Variants in DDX42 observed in about 807,000 individuals in gnomAD.
The protein encoded by DDX42 is ATP-dependent RNA helicase DDX42.
In DDX42, 22 loss-of-function variants were observed where a neutral mutation model predicts 101.5. That is an observed-to-expected ratio of 0.22 (90% CI 0.15 to 0.31). The LOEUF is 0.31. Ranked by LOEUF, DDX42 falls within the 10% of genes least tolerant of loss-of-function variation. DDX42 has a pLI of 1.00. For missense variants in DDX42, 849 were observed against 1,199.9 expected (o/e 0.71, Z 4.32); for synonymous variants, 402 against 401.2 (o/e 1.00, Z -0.02).
chr17:63,805,231 G>C, intron 7 of DDX42, 56 bp downstream of exon 7: 1 of 1,574,354 alleles, frequency 6.4e-7, no homozygotes, highest in African/African-American at 1.4e-5. Flanking sequence ...TCCAGATTTA[G>C]TATTATTGGT....
rs192895741 is a variant in DDX42 at position 63,807,184 on chromosome 17, A to G, written c.846+530A>G. ...GGGACAGAGTCTCACTCTGTTGTCC[A>G]AGCTGGAGTGCAGTGGCGCGATCTT... On this transcript the variant is annotated intron_variant, in intron 8 of 17. Coordinates refer to ENST00000389924, the MANE Select transcript of DDX42 (RefSeq NM_203499.3). 5.3e-3 allele frequency among the ~76,000 whole-genome samples: 812 copies of G among 152,276 alleles called. 5 individuals carry two copies. The highest frequency in any genetic ancestry group is 0.018 in the African/African-American group (741 of 41,554).
intron 3 of DDX42, 142 bp downstream of exon 3, chr17:63,792,704 T>C: frequency 1.2e-6 from 1 of 832,498 alleles, no homozygotes; most frequent in Non-Finnish European, 1.8e-6. Flanking sequence ...TAGTCTATAG[T>C]TGCATATATC....
intron 12 of DDX42, among the ~76,000 whole-genome samples, chr17:63,810,775 T>A (rs1207857898): frequency 6.6e-6 from 1 of 152,182 alleles, no homozygotes; most frequent in African/African-American, 2.4e-5. Context: ...GATCAGAAAT[T>A]AAATAAACTG....
chr17:63,810,348 C>T, intron 11 of DDX42, 165 bp from the exon 12 acceptor site: 1 of 571,310 alleles, frequency 1.8e-6, no homozygotes, highest in Non-Finnish European at 2.9e-6. Flanking sequence ...GCTTCGGCCT[C>T]CGAAAGTGCT....
At chr17:63,807,259 G>T (rs2039854089) in intron 8 of DDX42, among the ~76,000 whole-genome samples, 1 of 152,172 alleles carries the variant, frequency 6.6e-6, no homozygotes, top group African/African-American at 2.4e-5. Flanking sequence ...TCCTGCCTCG[G>T]CCTCCCAAGT....
chr17:63,773,989 A>G (rs2039377600), upstream of DDX42: 2 of 201,304 alleles, frequency 9.9e-6, no homozygotes, highest in Admixed American at 6.0e-5. Flanking sequence ...CTTTTTCTTC[A>G]TTCGCAGACC....
At chr17:63,788,904 T>C (rs2039584518) in intron 2 of DDX42, among the ~76,000 whole-genome samples, 1 of 151,926 alleles carries the variant, frequency 6.6e-6, no homozygotes, top group African/African-American at 2.4e-5. Flanking sequence ...TTGTTTTTGT[T>C]GTTGTTTTGA....
intron 5 of DDX42, 61 bp from the exon 6 acceptor site, chr17:63,800,407 C>T (rs941118712): frequency 6.5e-7 from 1 of 1,547,016 alleles, no homozygotes; most frequent in Non-Finnish European, 8.8e-7. Context: ...GCGCTAATTA[C>T]AGGAGCAGAA....
chr17:63,792,220 A>C (rs1189281769), intron 2 of DDX42, among the ~76,000 whole-genome samples, 192 bp from the exon 3 acceptor site: 1 of 152,094 alleles, frequency 6.6e-6, no homozygotes, highest in East Asian at 1.9e-4. Flanking sequence ...ACTTTTTTGT[A>C]ATATTGAAAT....
chr17:63,775,404 G>A (rs2039408043), intron 1 of DDX42, among the ~76,000 whole-genome samples: 1 of 152,160 alleles, frequency 6.6e-6, no homozygotes, highest in African/African-American at 2.4e-5. Flanking sequence ...AGCGGGAGGA[G>A]AGGCAAACAG....
intron 2 of DDX42, among the ~76,000 whole-genome samples, chr17:63,789,543 A>G (rs2144541663): frequency 7.3e-6 from 1 of 137,084 alleles, no homozygotes; most frequent in African/African-American, 3.0e-5. Flanking sequence ...AGCTTCTAAA[A>G]GACTTTTTTG....
chr17:63,786,738 C>T (rs1340379056), intron 1 of DDX42, among the ~76,000 whole-genome samples: 1 of 152,250 alleles, frequency 6.6e-6, no homozygotes, highest in Non-Finnish European at 1.5e-5. Context: ...AGTGCAGTGG[C>T]ACGATCTCAG....
intron 6 of DDX42, among the ~76,000 whole-genome samples, chr17:63,803,979 TAAAAC>T (rs2039806721): frequency 6.6e-6 from 1 of 152,132 alleles, no homozygotes; most frequent in Non-Finnish European, 1.5e-5. Flanking sequence ...TAGGCTTAAA[TAAAAC>T]CAACCTATTG....
In DDX42 at chr17:63,814,390, A is replaced by G. The variant is rs148883540; in HGVS notation, c.1902+936A>G. ...ACACAACTGGTACAACCCAGCTGCA[A>G]TGTGGCAGTGCCCAAGTTTCTGGTC... On this transcript the variant is annotated intron_variant, in intron 15 of 17. Coordinates refer to ENST00000389924, the MANE Select transcript of DDX42 (RefSeq NM_203499.3). Among the ~76,000 whole-genome samples, 874 of 152,362 alleles carry G rather than the reference A, an allele frequency of 5.7e-3. 5 individuals are homozygous for G. The highest frequency in any genetic ancestry group is 0.018 in the African/African-American group (747 of 41,594).
At chr17:63,784,030 C>T (rs1367465068) in intron 1 of DDX42, among the ~76,000 whole-genome samples, 1 of 152,058 alleles carries the variant, frequency 6.6e-6, no homozygotes, top group African/African-American at 2.4e-5. Flanking sequence ...TACCACTGCA[C>T]TCCAGCCTGG....
At chr17:63,774,602 C>T (rs2039393800) in intron 1 of DDX42, 1 of 155,368 alleles carries the variant, frequency 6.4e-6, no homozygotes, top group African/African-American at 2.4e-5. Flanking sequence ...GCTTCCCTCA[C>T]AAGTCTTACC....
In DDX42 at chr17:63,815,557, A is replaced by T; in HGVS notation, c.1903-6A>T. 2.5e-6 allele frequency: 4 copies of T among 1,610,082 alleles called. No individual in the cohort carries two copies. Among genetic ancestry groups the T allele is most frequent in the Non-Finnish European group, 3.4e-6 (4 of 1,176,728 alleles). ...TTGACTTAACCTTGAATTTTGTTCAATGCAGAATGCCTGGTTTCGGAAATC... is the reference window on the plus strand; with the variant it reads ...TTGACTTAACCTTGAATTTTGTTCATTGCAGAATGCCTGGTTTCGGAAATC... On this transcript the variant is annotated splice_polypyrimidine_tract_variant and splice_region_variant and intron_variant, in intron 15 of 17. Coordinates refer to ENST00000389924, the MANE Select transcript of DDX42 (RefSeq NM_203499.3).
intron 15 of DDX42, 103 bp downstream of exon 15, chr17:63,813,557 G>A (rs1160526898): frequency 1.9e-6 from 2 of 1,051,916 alleles, no homozygotes; most frequent in South Asian, 1.6e-5. Context: ...AAGTTGGGTG[G>A]CTAGGAGGAT....
At chr17:63,794,548 G>A (rs567324599) in intron 3 of DDX42, among the ~76,000 whole-genome samples, 32 of 151,866 alleles carry the variant, frequency 2.1e-4, no homozygotes, top group Non-Finnish European at 3.5e-4. Flanking sequence ...ACTATGTGCC[G>A]TAGCTCACAC....
Sources: gnomAD v4.1 joint callset for allele counts (sites outside exome capture counted in the v4.1 genomes callset) on GRCh38, gnomAD v4.1.1 for gene constraint, MANE v1.5 for transcripts, NCBI Gene and HGNC (gene_info 2026-07-23, HGNC 2026-07-21) for gene names.